SYNDIG1: variants seen among roughly 807,000 people sequenced by gnomAD.
SYNDIG1 encodes synapse differentiation-inducing gene protein 1.
A neutral mutation model predicts 19.4 loss-of-function variants in SYNDIG1; 9 were observed. The ratio of observed to expected loss-of-function variants is 0.46; its 90% CI spans 0.28 to 0.81. The LOEUF (loss-of-function observed/expected upper bound fraction) is 0.81, where lower values mean the gene tolerates loss of function less well. Among genes scored for constraint, SYNDIG1 ranks in the 30% least tolerant of loss-of-function variants. The probability of loss-of-function intolerance (pLI) is 0.12; values close to 1 mark genes in which losing one functional copy is unlikely to be tolerated. For missense variants in SYNDIG1, 311 were observed against 343.3 expected (o/e 0.91, Z 0.74); for synonymous variants, 141 against 145.9 (o/e 0.97, Z 0.24).
intron 1 of SYNDIG1, among the ~76,000 whole-genome samples, chr20:24,502,814 A>G (rs2056486879): frequency 6.6e-6 from 1 of 152,250 alleles, no homozygotes. Flanking sequence ...AATAAAATAC[A>G]AAGGTCACTG....
At chr20:24,492,477 C>A (rs1015479445) in intron 1 of SYNDIG1, among the ~76,000 whole-genome samples, 4 of 152,222 alleles carry the variant, frequency 2.6e-5, no homozygotes. Context: ...CAAAACCTCA[C>A]GGTGGCTCCC....
At chr20:24,547,164 C>T (rs566447353) in intron 2 of SYNDIG1, among the ~76,000 whole-genome samples, 18 of 152,300 alleles carry the variant, frequency 1.2e-4, no homozygotes, top group Admixed American at 5.9e-4. Context: ...CAGGGCCCCT[C>T]GTTTCCCTGG....
intron 1 of SYNDIG1, among the ~76,000 whole-genome samples, chr20:24,539,822 A>G (rs1362522060): frequency 6.6e-6 from 1 of 151,996 alleles, no homozygotes; most frequent in Non-Finnish European, 1.5e-5. Context: ...TCTGTCACCC[A>G]GGCTGGAGTC....
chr20:24,605,056 G>C (rs1294280565), intron 3 of SYNDIG1, among the ~76,000 whole-genome samples: 1 of 152,144 alleles, frequency 6.6e-6, no homozygotes, highest in African/African-American at 2.4e-5. Flanking sequence ...TGGGCAGGTA[G>C]TTGGGGGGCA....
chr20:24,470,320 G>A (rs528999735), intron 1 of SYNDIG1, among the ~76,000 whole-genome samples: 39 of 152,324 alleles, frequency 2.6e-4, no homozygotes, highest in African/African-American at 7.0e-4. Flanking sequence ...GGAGCGGCAG[G>A]CAAGGTGCAA....
chr20:24,598,211 T>C lies in SYNDIG1; in HGVS notation c.618+13218T>C, dbSNP rs145606684. ...GTATGGAGTGGAGGGCTTGCCGCCA[T>C]GCACTCACGAAACAAGAATGGCAGC... is the stretch of plus-strand genomic sequence containing the variant. On this transcript the variant is annotated intron_variant, in intron 3 of 3. Coordinates refer to ENST00000376862, the MANE Select transcript of SYNDIG1 (RefSeq NM_024893.3). Among the ~76,000 whole-genome samples the C allele has an allele frequency of 3.3e-3, 500 of 152,306 alleles. 2 individuals carry two copies. Among genetic ancestry groups the C allele is most frequent in the South Asian group, 0.014 (66 of 4,824 alleles).
chr20:24,581,336 A>G (rs2058319215), intron 2 of SYNDIG1, among the ~76,000 whole-genome samples: 1 of 152,190 alleles, frequency 6.6e-6, no homozygotes, highest in Non-Finnish European at 1.5e-5. Context: ...AAAGAAACTA[A>G]AAGATAAATA....
chr20:24,547,600 G>C (rs1344146576), intron 2 of SYNDIG1, among the ~76,000 whole-genome samples: 1 of 152,138 alleles, frequency 6.6e-6, no homozygotes, highest in Non-Finnish European at 1.5e-5. Context: ...CATCCTGTGG[G>C]GGTGCCCTCA....
intron 3 of SYNDIG1, among the ~76,000 whole-genome samples, chr20:24,600,605 C>CTTTTTTT (rs71183379): frequency 1.5e-4 from 19 of 130,794 alleles, no homozygotes; most frequent in African/African-American, 3.2e-4. Context: ...ATCTTTCTTT[C>CTTTTTTT]TTTTTTTTTT....
chr20:24,515,294 A>C (rs924838309), intron 1 of SYNDIG1, among the ~76,000 whole-genome samples: 1 of 152,202 alleles, frequency 6.6e-6, no homozygotes, highest in Non-Finnish European at 1.5e-5. Flanking sequence ...ACTGAAGGAG[A>C]TAGAGACACA....
intron 3 of SYNDIG1, among the ~76,000 whole-genome samples, chr20:24,659,370 A>C (rs574987050): frequency 1.3e-5 from 2 of 152,190 alleles, no homozygotes; most frequent in African/African-American, 4.8e-5. Context: ...GTAGGGGGAA[A>C]GTCTGCCGTC....
intron 1 of SYNDIG1, among the ~76,000 whole-genome samples, chr20:24,488,050 G>T (rs6049729): frequency 0.012 from 1,785 of 152,252 alleles, 47 homozygotes; most frequent in African/African-American, 0.041. Flanking sequence ...AAAATGAGAT[G>T]ACTCCATTTT....
intron 1 of SYNDIG1, among the ~76,000 whole-genome samples, chr20:24,482,743 T>A: frequency 6.6e-6 from 1 of 152,234 alleles, no homozygotes. Context: ...AAATCCCTTG[T>A]CCATTGGCCA....
chr20:24,502,412 C>T (rs961689644), intron 1 of SYNDIG1: 4 of 152,226 alleles, frequency 2.6e-5, no homozygotes, highest in African/African-American at 9.7e-5. Context: ...TGGGAAGCAT[C>T]TCTGCCTGTG....
At chr20:24,535,043 G>T (rs1277326004) in intron 1 of SYNDIG1, among the ~76,000 whole-genome samples, 1 of 152,196 alleles carries the variant, frequency 6.6e-6, no homozygotes, top group South Asian at 2.1e-4. Flanking sequence ...GTGGGGTGTG[G>T]TGTTTGCTGG....
intron 1 of SYNDIG1, among the ~76,000 whole-genome samples, chr20:24,542,620 G>A (rs1043456808): frequency 1.3e-5 from 2 of 152,232 alleles, no homozygotes; most frequent in African/African-American, 4.8e-5. Flanking sequence ...GAACAGCCAT[G>A]TACCTGGGAA....
intron 3 of SYNDIG1, among the ~76,000 whole-genome samples, chr20:24,607,093 C>A (rs943524372): frequency 6.6e-6 from 1 of 152,174 alleles, no homozygotes; most frequent in Non-Finnish European, 1.5e-5. Context: ...GGCACCATGG[C>A]TCATGCCTAT....
chr20:24,537,686 C>T (rs1228898472), intron 1 of SYNDIG1, among the ~76,000 whole-genome samples: 2 of 152,116 alleles, frequency 1.3e-5, no homozygotes, highest in Non-Finnish European at 2.9e-5. Context: ...ATCGGGGATC[C>T]CTGCTGTCCC....
rs778166127 is a variant in SYNDIG1 at position 24,658,243 on chromosome 20, G to A, written c.619-7103G>A. 3.4e-4 allele frequency among the ~76,000 whole-genome samples: 51 copies of A among 152,128 alleles called. No homozygotes were observed. The highest frequency in any genetic ancestry group is 6.2e-4 in the Non-Finnish European group (42 of 68,008). ...AGAGCGAAGAGAAATGGCAGCCTGT[G>A]GGTCCTGGCCTGTCTGAGACAGCCC... On this transcript the variant is annotated intron_variant, in intron 3 of 3. Transcript: ENST00000376862. This position sits in a 1 kb window ranked among gnomAD's most constrained non-coding sequence, Gnocchi z 4.4.
Sources: gnomAD v4.1 joint callset for allele counts (sites outside exome capture counted in the v4.1 genomes callset) on GRCh38, gnomAD v4.1.1 for gene constraint, Gnocchi (gnomAD v3.1) non-coding constraint, MANE v1.5 for transcripts, NCBI Gene and HGNC (gene_info 2026-07-23, HGNC 2026-07-21) for gene names.